Variants in RANBP2 observed in about 807,000 individuals in gnomAD.
RANBP2 encodes RAN binding protein 2, also known as E3 SUMO-protein ligase RanBP2.
In RANBP2, 57 loss-of-function variants were observed where a neutral mutation model predicts 303.6. That is an observed-to-expected ratio of 0.19 (90% confidence interval 0.15 to 0.23). The LOEUF is 0.23. RANBP2 is among the 10% of genes least tolerant of loss of function. The pLI is 1.00. For missense variants in RANBP2, 3,138 were observed against 3,780.8 expected (o/e 0.83, Z 4.46); for synonymous variants, 1,167 against 1,301.5 (o/e 0.90, Z 2.23).
the RANBP2 span, among the ~76,000 whole-genome samples, chr2:109,067,720 G>A: frequency 6.6e-6 from 1 of 152,186 alleles, no homozygotes; most frequent in African/African-American, 2.4e-5. Flanking sequence ...TCTCCTGGCC[G>A]CGCAATCCTT....
the RANBP2 span, among the ~76,000 whole-genome samples, chr2:108,802,788 T>G: frequency 6.6e-6 from 1 of 151,970 alleles, no homozygotes; most frequent in East Asian, 1.9e-4. Flanking sequence ...GCTCTTATTA[T>G]TTTGAAATAC....
At chr2:109,607,722 A>G in the RANBP2 span, among the ~76,000 whole-genome samples, 1 of 152,138 alleles carries the variant, frequency 6.6e-6, no homozygotes, top group Non-Finnish European at 1.5e-5. Flanking sequence ...TGAAAAAGGC[A>G]AAGTTTAGTC....
the RANBP2 span, among the ~76,000 whole-genome samples, chr2:109,532,560 C>G: frequency 2.0e-5 from 3 of 150,874 alleles, no homozygotes; most frequent in South Asian, 6.2e-4. Flanking sequence ...GGGCCCTGAC[C>G]CCGGTGAGGG....
the RANBP2 span, among the ~76,000 whole-genome samples, chr2:109,277,738 G>T: frequency 2.6e-5 from 4 of 152,228 alleles, no homozygotes; most frequent in African/African-American, 9.6e-5. Flanking sequence ...TACCACAAGC[G>T]TGGCTGTGGG....
At chr2:109,213,254 G>A in the RANBP2 span, among the ~76,000 whole-genome samples, 1 of 152,142 alleles carries the variant, frequency 6.6e-6, no homozygotes, top group African/African-American at 2.4e-5. Flanking sequence ...ATGTACTCAG[G>A]ACATGGCTCT....
At chr2:109,577,484 C>G in the RANBP2 span, among the ~76,000 whole-genome samples, 13 of 151,668 alleles carry the variant, frequency 8.6e-5, no homozygotes, top group Admixed American at 6.6e-4. Flanking sequence ...CCCAGGTACT[C>G]AGGAGGCTGA....
the RANBP2 span, among the ~76,000 whole-genome samples, chr2:109,553,795 A>C: frequency 6.6e-6 from 1 of 151,942 alleles, no homozygotes; most frequent in African/African-American, 2.4e-5. Flanking sequence ...TGAAGGTTGC[A>C]GTGAGCCAAG....
the RANBP2 span, among the ~76,000 whole-genome samples, chr2:109,230,941 T>A: frequency 6.6e-6 from 1 of 152,184 alleles, no homozygotes; most frequent in Non-Finnish European, 1.5e-5. Context: ...GAAGGCAGGA[T>A]AGGTCAAACT....
chr2:109,690,138 C>T, the RANBP2 span, among the ~76,000 whole-genome samples: 1 of 152,098 alleles, frequency 6.6e-6, no homozygotes, highest in Non-Finnish European at 1.5e-5. Flanking sequence ...GTTTATTTTG[C>T]CAAAGTTAAG....
At chr2:108,798,708 TACACACACACACACAC>T in the RANBP2 span, 146 of 429,158 alleles carry the variant, frequency 3.4e-4, no homozygotes, top group Middle Eastern at 3.2e-3. Flanking sequence ...TCTCCACGCC[TACACACACACACACAC>T]ACACACACAC....
chr2:108,733,370 T>C (rs929493433), intron 4 of RANBP2, among the ~76,000 whole-genome samples: 2 of 147,876 alleles, frequency 1.4e-5, no homozygotes, highest in Non-Finnish European at 3.0e-5. Flanking sequence ...GGTTCTCAGG[T>C]GATCCACCCA....
At chr2:109,587,303 T>C in the RANBP2 span, among the ~76,000 whole-genome samples, 19 of 152,140 alleles carry the variant, frequency 1.2e-4, no homozygotes, top group African/African-American at 2.9e-4. Context: ...ATTTGTTCAA[T>C]AGTTATTATC....
the RANBP2 span, among the ~76,000 whole-genome samples, chr2:109,170,244 T>C: frequency 0.11 from 3,562 of 32,614 alleles, 328 homozygotes; most frequent in South Asian, 0.18. Context: ...CTTCTTTTCT[T>C]TTCTCTTCTC....
chr2:109,184,145 C>G, the RANBP2 span, among the ~76,000 whole-genome samples: 1 of 152,096 alleles, frequency 6.6e-6, no homozygotes, highest in African/African-American at 2.4e-5. Flanking sequence ...AGGCACTGCC[C>G]CAGTTGCCTT....
At chr2:109,572,231 T>C in the RANBP2 span, among the ~76,000 whole-genome samples, 1 of 151,520 alleles carries the variant, frequency 6.6e-6, no homozygotes, top group African/African-American at 2.4e-5. Context: ...CCTGGGTTCA[T>C]GCCATTCTCC....
the RANBP2 span, among the ~76,000 whole-genome samples, chr2:109,505,147 A>G: frequency 6.6e-6 from 1 of 152,220 alleles, no homozygotes. Context: ...ATGGGGGTGC[A>G]GGGAATCCCA....
chr2:109,552,174 C>G, the RANBP2 span, among the ~76,000 whole-genome samples: 2 of 152,306 alleles, frequency 1.3e-5, no homozygotes, highest in East Asian at 1.9e-4. Context: ...TGAGCTGGAA[C>G]AGTTTCATCC....
At chr2:109,248,690 ATTTC>A in the RANBP2 span, among the ~76,000 whole-genome samples, 3 of 151,888 alleles carry the variant, frequency 2.0e-5, no homozygotes, top group Non-Finnish European at 4.4e-5. Context: ...GAAGTACTGC[ATTTC>A]TTTCCTTTCC....
chr2:108,777,028 C>A, intron 24 of RANBP2, 102 bp from the exon 25 acceptor site: 1 of 969,214 alleles, frequency 1.0e-6, no homozygotes, highest in Non-Finnish European at 1.6e-6. Flanking sequence ...CTCCCCTCAT[C>A]CCAGAGTATA....
Sources: allele counts gnomAD v4.1 joint callset (sites outside exome capture counted in the v4.1 genomes callset), GRCh38; gene constraint gnomAD v4.1.1; transcripts MANE v1.5; gene names NCBI Gene and HGNC (gene_info 2026-07-23, HGNC 2026-07-21).